Variants in FGFR1 observed in about 807,000 individuals in gnomAD.
FGFR1 encodes fibroblast growth factor receptor 1, also known as FGFR1/PLAG1 fusion.
A neutral mutation model predicts 93.7 loss-of-function variants in FGFR1; 18 were observed. The ratio of observed to expected loss-of-function variants is 0.19; its 90% CI spans 0.13 to 0.28. The LOEUF is 0.28. Among genes scored for constraint, FGFR1 ranks in the 10% least tolerant of loss-of-function variants. The pLI is 1.00. For missense variants in FGFR1, 731 were observed against 1,080.4 expected (o/e 0.68, Z 4.53); for synonymous variants, 448 against 429.3 (o/e 1.04, Z -0.54).
intron 9 of FGFR1, 149 bp from the exon 10 acceptor site, chr8:38,418,522 G>T: frequency 1.0e-6 from 1 of 1,004,588 alleles, no homozygotes; most frequent in Non-Finnish European, 1.5e-6. Context: ...CAAAGACCAT[G>T]GTAGGCCAGG....
At chr8:38,451,904 T>C (rs1831190949) in intron 2 of FGFR1, among the ~76,000 whole-genome samples, 1 of 151,602 alleles carries the variant, frequency 6.6e-6, no homozygotes, top group African/African-American at 2.4e-5. Flanking sequence ...CTCTGCAAGC[T>C]CAGAATGTTG....
At chr8:38,440,179 G>T (rs1355514114) in intron 2 of FGFR1, 12 of 757,956 alleles carry the variant, frequency 1.6e-5, no homozygotes, top group East Asian at 2.8e-5. Context: ...GTGGGTGGGG[G>T]AGGAACTCGG....
At chr8:38,446,661 G>A (rs952164322) in intron 2 of FGFR1, among the ~76,000 whole-genome samples, 2 of 151,972 alleles carry the variant, frequency 1.3e-5, no homozygotes, top group African/African-American at 4.8e-5. Context: ...TGCCCACCTC[G>A]GCCTCCCAAA....
chr8:38,467,924 C>G (rs1461948179), intron 1 of FGFR1, 57 bp downstream of exon 1: 2 of 217,760 alleles, frequency 9.2e-6, no homozygotes, highest in African/African-American at 4.5e-5. Flanking sequence ...GCTCCGGCGC[C>G]GGGGGCCGCT....
chr8:38,454,192 G>A (rs1418879071), intron 2 of FGFR1, among the ~76,000 whole-genome samples: 2 of 150,794 alleles, frequency 1.3e-5, no homozygotes, highest in African/African-American at 4.9e-5. Context: ...AGCAGCTTCC[G>A]TGAAGCCCCC....
chr8:38,418,228 C>T lies in FGFR1; in HGVS notation c.1430G>A (p.Arg477Lys), dbSNP rs1275391593. The change falls in exon 10 of 18, where the codon AGA becomes AAA. Residue 477 changes from arginine (R) to lysine (K), a missense_variant and splice_region_variant. Physicochemically the swap from Arg to Lys is conservative, Grantham distance 26. This residue lies in a region of FGFR1 where 146 missense variants were observed against 173.0 expected (regional missense o/e 0.84). Coordinates refer to ENST00000447712, the MANE Select transcript of FGFR1 (RefSeq NM_023110.3). Reference sequence around the variant, plus strand: ...AAGTTGGGAGTCAAAGTATTATTACCTGTCCCGAGGCAGCTCCCAGCGAGG... The same window carrying T: ...AAGTTGGGAGTCAAAGTATTATTACTTGTCCCGAGGCAGCTCCCAGCGAGG... Reference protein sequence around the residue: ...EDPRWELPRDRLVLGKPLGEG... With the variant: ...EDPRWELPRDKLVLGKPLGEG... The T allele has an allele frequency of 2.5e-6, 4 of 1,614,198 alleles. No individual in the cohort carries two copies. The highest frequency in any genetic ancestry group is 3.3e-5 in the Admixed American group (2 of 60,030).
At chr8:38,436,722 C>A (rs1825582942) in intron 2 of FGFR1, among the ~76,000 whole-genome samples, 3 of 152,012 alleles carry the variant, frequency 2.0e-5, no homozygotes. Flanking sequence ...CTCAAGGAAG[C>A]AGCTAGAAAG....
chr8:38,445,256 C>A (rs570385840), intron 2 of FGFR1, among the ~76,000 whole-genome samples: 1 of 152,256 alleles, frequency 6.6e-6, no homozygotes, highest in South Asian at 2.1e-4. Context: ...GGTCTCAGGG[C>A]TCCGGCTACC....
At position 38,418,386 on chromosome 8, in the gene FGFR1, G is replaced by A. The variant is rs1817521710; in HGVS notation, c.1285-13C>T. ...AGTCAGCAGACACCTGCAAGGAAGA[G>A]TGGGGTCACCCTAGAGCAAGGAGGG... On this transcript the variant is annotated splice_polypyrimidine_tract_variant and intron_variant, in intron 9 of 17. Coordinates refer to ENST00000447712, the MANE Select transcript of FGFR1 (RefSeq NM_023110.3). 3.7e-6 allele frequency: 6 copies of A among 1,612,784 alleles called. No homozygotes were observed. The highest frequency in any genetic ancestry group is 4.5e-5 in the East Asian group (2 of 44,864).
intron 7 of FGFR1, 131 bp from the exon 8 acceptor site, chr8:38,422,072 A>C (rs1819011957): frequency 1.7e-6 from 2 of 1,146,520 alleles, no homozygotes; most frequent in Admixed American, 2.0e-5. Flanking sequence ...TCTTTGCAAC[A>C]AGGAACAAAC....
chr8:38,438,227 TG>T (rs2151077928), intron 2 of FGFR1, among the ~76,000 whole-genome samples: 1 of 152,302 alleles, frequency 6.6e-6, no homozygotes, highest in African/African-American at 2.4e-5. Context: ...TAGAATCTTG[TG>T]AAGTATTTAA....
chr8:38,460,203 A>C (rs1343437005), intron 1 of FGFR1, among the ~76,000 whole-genome samples: 5 of 152,120 alleles, frequency 3.3e-5, no homozygotes, highest in Non-Finnish European at 7.3e-5. Flanking sequence ...AACTAAAAGA[A>C]AGACCCTTGG....
In FGFR1 at chr8:38,412,425, G is replaced by A. The variant is rs564689304; in HGVS notation, c.*1203C>T. ...CCCCCTCCCCAGCCCAACCCCACCG[G>A]TTTCCTTGGAGGAAACCATCCATGG... is the stretch of plus-strand genomic sequence containing the variant. On this transcript the variant is annotated 3_prime_UTR_variant, in exon 18 of 18. Coordinates refer to ENST00000447712, the MANE Select transcript of FGFR1 (RefSeq NM_023110.3). The A allele has an allele frequency of 8.6e-6, 2 of 232,936 alleles. No homozygotes were observed. The highest frequency in any genetic ancestry group is 1.8e-4 in the South Asian group (1 of 5,528). The allele number at this position is 232,936 out of a possible 1,614,324, so 14.4% of individuals were successfully genotyped here.
rs140615588 is a variant in FGFR1, at chr8:38,426,829, C to T, written c.622-584G>A. On this transcript the variant is annotated intron_variant, in intron 5 of 17. Coordinates refer to ENST00000447712, the MANE Select transcript of FGFR1 (RefSeq NM_023110.3). This position sits in a 1 kb window ranked among gnomAD's most constrained non-coding sequence, Gnocchi z 4.1. Reference sequence around the variant, plus strand: ...CATGGTGAATTAATTTAAAATATTTCTGGCTGGGTGCGGTGGCTCAAGCCT... The same window carrying T: ...CATGGTGAATTAATTTAAAATATTTTTGGCTGGGTGCGGTGGCTCAAGCCT... Among the ~76,000 whole-genome samples, 1 of 152,178 alleles carries T rather than the reference C, an allele frequency of 6.6e-6. No homozygotes were observed. The highest frequency in any genetic ancestry group is 1.5e-5 in the Non-Finnish European group (1 of 68,026).
At chr8:38,437,817 C>G (rs990332106) in intron 2 of FGFR1, among the ~76,000 whole-genome samples, 7 of 152,172 alleles carry the variant, frequency 4.6e-5, no homozygotes, top group African/African-American at 1.7e-4. Context: ...GCATTCATGC[C>G]ACATGGACAA....
intron 2 of FGFR1, among the ~76,000 whole-genome samples, chr8:38,438,621 G>A (rs1016135592): frequency 2.0e-5 from 3 of 151,986 alleles, no homozygotes; most frequent in Non-Finnish European, 4.4e-5. Flanking sequence ...AGTCCAAGAT[G>A]GCCCAGCTAG....
At chr8:38,427,899 T>A in intron 5 of FGFR1, 22 bp downstream of exon 5, 5 of 1,614,232 alleles carry the variant, frequency 3.1e-6, no homozygotes, top group Non-Finnish European at 4.2e-6. Flanking sequence ...TTACTCTAAC[T>A]TTCGCATGCA....
At position 38,427,028 on chromosome 8, in the gene FGFR1, A is replaced by G. The variant is rs181933825; in HGVS notation, c.622-783T>C. Among the ~76,000 whole-genome samples the G allele has an allele frequency of 1.4e-3, 219 of 151,718 alleles. 1 individual carries two copies. The highest frequency in any genetic ancestry group is 0.014 in the East Asian group (71 of 5,134). ...AGGCTGAGGCAGGAGAATGGCATGA[A>G]CCTGGGAGGTGGAGCTTGCAGTGAG... On this transcript the variant is annotated intron_variant, in intron 5 of 17. Coordinates refer to ENST00000447712, the MANE Select transcript of FGFR1 (RefSeq NM_023110.3).
chr8:38,464,989 A>C (rs1208057792), intron 1 of FGFR1, among the ~76,000 whole-genome samples: 1 of 152,224 alleles, frequency 6.6e-6, no homozygotes, highest in Non-Finnish European at 1.5e-5. Context: ...CACCACTAAA[A>C]GCAAAACCCA....
Sources: allele counts gnomAD v4.1 joint callset (sites outside exome capture counted in the v4.1 genomes callset), GRCh38; gene constraint gnomAD v4.1.1; regional missense constraint gnomAD v4.1.1; non-coding constraint Gnocchi (gnomAD v3.1); transcripts MANE v1.5; gene names NCBI Gene and HGNC (gene_info 2026-07-23, HGNC 2026-07-21).